The following SLC7A5 variants were observed in gnomAD, a reference collection of about 807,000 sequenced individuals.
The protein encoded by SLC7A5 is large neutral amino acids transporter small subunit 1.
In SLC7A5, 23 loss-of-function variants were observed where a neutral mutation model predicts 50.2. The ratio of observed to expected loss-of-function variants is 0.46; its 90% CI spans 0.33 to 0.65. The LOEUF (loss-of-function observed/expected upper bound fraction) is 0.65, where lower values mean the gene tolerates loss of function less well. Ranked by LOEUF, SLC7A5 falls within the 30% of genes least tolerant of loss-of-function variation. The pLI is 0.02. For synonymous variants in SLC7A5, 393 were observed against 330.6 expected, an observed-to-expected ratio of 1.19 and a Z score of -2.05; for missense variants, 578 against 684.4, an observed-to-expected ratio of 0.84 and a Z score of 1.73.
rs1453896385 is a variant in SLC7A5 at position 87,860,373 on chromosome 16, CACACACACACACACACACACACACACAT to C, written c.538+8484_538+8511del. On this transcript the variant is annotated intron_variant, in intron 1 of 9. Transcript: ENST00000261622. The surrounding 1 kb of genome is among the most constrained non-coding windows in gnomAD (Gnocchi z 4.8). The stretch of plus-strand genomic sequence containing the variant: ...ACACACACACACACACACACACACA[CACACACACACACACACACACACACACAT>C]ATATATATAAAGAAAAAGGAAATCT... 2.9e-3 allele frequency among the ~76,000 whole-genome samples: 427 copies of C among 147,862 alleles called. 16 individuals carry two copies. Among genetic ancestry groups the C allele is most frequent in the African/African-American group, 0.01 (405 of 39,578 alleles).
At chr16:87,839,599 C>G (rs1372218596) in intron 5 of SLC7A5, 103 bp downstream of exon 5, 2 of 1,560,302 alleles carry the variant, frequency 1.3e-6, no homozygotes, top group Admixed American at 3.4e-5. Flanking sequence ...GCCCCCTCTG[C>G]GTAGGGGAGG....
At position 87,852,198 on chromosome 16, in the gene SLC7A5, C is replaced by T. The variant is rs1567496700; in HGVS notation, c.539-349G>A. On this transcript the variant is annotated intron_variant, in intron 1 of 9. Transcript: ENST00000261622. This position sits in a 1 kb window ranked among gnomAD's most constrained non-coding sequence, Gnocchi z 4.5. ...CCAGAGACCCAGGTGAGCAAGGTGACCCTGCCACTTGGAAGGCGCCCATTA... is the reference window on the plus strand; with the variant it reads ...CCAGAGACCCAGGTGAGCAAGGTGATCCTGCCACTTGGAAGGCGCCCATTA... Among the ~76,000 whole-genome samples, 1 of 152,174 alleles carries T rather than the reference C, an allele frequency of 6.6e-6. No individual in the cohort carries two copies.
intron 1 of SLC7A5, among the ~76,000 whole-genome samples, chr16:87,854,267 G>T (rs35363075): frequency 6.6e-6 from 1 of 152,122 alleles, no homozygotes; most frequent in Non-Finnish European, 1.5e-5. Flanking sequence ...AATGGCCATA[G>T]AACAAAGGGG....
At chr16:87,834,282 C>CTGCAGTGTCCGCCAGTGACA in intron 9 of SLC7A5, 132 bp downstream of exon 9, 1 of 840,388 alleles carries the variant, frequency 1.2e-6, no homozygotes, top group Non-Finnish European at 2.0e-6. Context: ...CTGGCGGACA[C>CTGCAGTGTCCGCCAGTGACA]TGCAGTGACC....
chr16:87,851,662 T>G (rs1318655376), intron 2 of SLC7A5, 62 bp downstream of exon 2: 2 of 1,586,948 alleles, frequency 1.3e-6, no homozygotes, highest in African/African-American at 2.7e-5. Flanking sequence ...CCTCATGCCC[T>G]GTGAAGGACA....
Position 87,838,864 on chromosome 16 carries a change from G to A in SLC7A5, c.940-47C>T, listed in dbSNP as rs369399203. The A allele has an allele frequency of 3.2e-4, 463 of 1,438,554 alleles. 1 individual carries two copies. Among genetic ancestry groups the A allele is most frequent in the Non-Finnish European group, 4.0e-4 (409 of 1,021,850 alleles). The allele number at this position is 1,438,554 out of a possible 1,614,324, so 89.1% of individuals were successfully genotyped here. A position where few individuals can be genotyped will look rare whatever the true frequency, so the allele number is the denominator to read the frequency against. ...GCTGGGCCCCACCGGGCCGGCCCTC[G>A]CCCTCCCTGTGCTCACTGGGAGCCC... On this transcript the variant is annotated intron_variant, in intron 5 of 9. Transcript: ENST00000261622.
intron 2 of SLC7A5, among the ~76,000 whole-genome samples, chr16:87,848,685 G>A (rs1357480146): frequency 6.6e-6 from 1 of 152,188 alleles, no homozygotes; most frequent in Non-Finnish European, 1.5e-5. Context: ...TCTCAGGAAA[G>A]GCCCAACCCC....
At position 87,852,185 on chromosome 16, in the gene SLC7A5, G is replaced by A. The variant is rs970120072; in HGVS notation, c.539-336C>T. On this transcript the variant is annotated intron_variant, in intron 1 of 9. Coordinates refer to ENST00000261622, the MANE Select transcript of SLC7A5 (RefSeq NM_003486.7). The surrounding 1 kb of genome is among the most constrained non-coding windows in gnomAD (Gnocchi z 4.5). The stretch of plus-strand genomic sequence containing the variant: ...GGGGTCACTGCCTCCAGAGACCCAG[G>A]TGAGCAAGGTGACCCTGCCACTTGG... Among the ~76,000 whole-genome samples the A allele has an allele frequency of 2.6e-5, 4 of 152,144 alleles. No homozygotes were observed. The highest frequency in any genetic ancestry group is 6.5e-5 in the Admixed American group (1 of 15,282).
intron 1 of SLC7A5, among the ~76,000 whole-genome samples, chr16:87,854,934 A>C (rs1027917687): frequency 2.0e-5 from 3 of 152,180 alleles, no homozygotes; most frequent in African/African-American, 7.2e-5. Flanking sequence ...GCCATCAGCC[A>C]CAGAAACATC....
chr16:87,867,578 GGT>G (rs1278519445), intron 1 of SLC7A5, among the ~76,000 whole-genome samples: 1 of 150,596 alleles, frequency 6.6e-6, no homozygotes, highest in Non-Finnish European at 1.5e-5. Flanking sequence ...CCCAAAGTAC[GGT>G]GTGGCAGAAA....
chr16:87,869,168 C>A lies in SLC7A5; in HGVS notation c.255G>T (p.Ala85=). 6.2e-7 allele frequency: 1 copy of A among 1,612,108 alleles called. No homozygotes were observed. Among genetic ancestry groups the A allele is most frequent in the South Asian group, 1.1e-5 (1 of 91,016 alleles). The part of the protein sequence containing the change: ...VLKEAGSPGL[A]LVVWAACGVF... ...CGCCGCACGCGGCCCACACCACCAG[C>A]GCCAGCCCCGGCGAGCCTGCCTCCT... Residue 85 remains alanine (A), a synonymous_variant, in exon 1 of 10, where the codon GCG becomes GCT. Coordinates refer to ENST00000261622, the MANE Select transcript of SLC7A5 (RefSeq NM_003486.7).
At chr16:87,836,915 C>T in intron 7 of SLC7A5, 3 of 518,362 alleles carry the variant, frequency 5.8e-6, no homozygotes, top group Non-Finnish European at 1.1e-5. Flanking sequence ...AAATGGAGAC[C>T]ACATTTGGGT....
At position 87,841,134 on chromosome 16, in the gene SLC7A5, G is replaced by A; in HGVS notation, c.686C>T (p.Pro229Leu). 2 of 1,613,410 alleles carry A rather than the reference G, an allele frequency of 1.2e-6. No homozygotes were observed. The highest frequency in any genetic ancestry group is 1.7e-6 in the Non-Finnish European group (2 of 1,179,476). ...TTTGGTGCCTTCAAATGAGAAGTTG[G>A]GATCTAGATTGGACACATCACCTGG... ...IGKGDVSNLD[P>L]NFSFEGTKLD... Residue 229 changes from proline (P) to leucine (L), a missense_variant, in exon 3 of 10, where the codon CCC becomes CTC. Pro to Leu is a moderately conservative substitution (Grantham distance 98, BLOSUM62 -3). Transcript: ENST00000261622. The surrounding 1 kb of genome is among the most constrained non-coding windows in gnomAD (Gnocchi z 4.8).
chr16:87,842,869 G>GCCAAAACGCC (rs71391359), intron 2 of SLC7A5, among the ~76,000 whole-genome samples: 8 of 151,824 alleles, frequency 5.3e-5, no homozygotes, highest in African/African-American at 1.9e-4. Context: ...CAGCACCTCG[G>GCCAAAACGCC]CACAGCCCCT....
At chr16:87,845,175 C>A (rs1036546296) in intron 2 of SLC7A5, among the ~76,000 whole-genome samples, 2 of 133,164 alleles carry the variant, frequency 1.5e-5, no homozygotes, top group East Asian at 3.9e-4. Flanking sequence ...CCAACCGTGC[C>A]ACCCAGGGGA....
At position 87,861,863 on chromosome 16, in the gene SLC7A5, G is replaced by GCCCCGA. The variant is rs2055402885; in HGVS notation, c.538+7021_538+7022insTCGGGG. Among the ~76,000 whole-genome samples the GCCCCGA allele has an allele frequency of 6.6e-6, 1 of 152,258 alleles. No homozygotes were observed. Among genetic ancestry groups the GCCCCGA allele is most frequent in the Non-Finnish European group, 1.5e-5 (1 of 68,044 alleles). On this transcript the variant is annotated intron_variant, in intron 1 of 9. Transcript: ENST00000261622. The surrounding 1 kb of genome is among the most constrained non-coding windows in gnomAD (Gnocchi z 4.2). ...CCTACGGCCTTGCCCCGAATCCCGTGATGCAGCGTGACCTGCCTAGGTGCC... is the reference window on the plus strand; with the variant it reads ...CCTACGGCCTTGCCCCGAATCCCGTGCCCCGAATGCAGCGTGACCTGCCTAGGTGCC...
At chr16:87,837,380 A>C (rs868773677) in intron 7 of SLC7A5, 2 of 193,966 alleles carry the variant, frequency 1.0e-5, no homozygotes, top group South Asian at 2.1e-4. Flanking sequence ...TGACTTACGG[A>C]AACTGTGAGA....
chr16:87,858,942 G>A (rs758610129), intron 1 of SLC7A5, among the ~76,000 whole-genome samples: 4 of 152,330 alleles, frequency 2.6e-5, no homozygotes, highest in East Asian at 1.9e-4. Context: ...CCCTGGTGAC[G>A]GGGAGCCCTT....
At chr16:87,845,193 C>CT (rs11373590) in intron 2 of SLC7A5, among the ~76,000 whole-genome samples, 55,225 of 152,008 alleles carry the variant, frequency 0.36, 11,782 homozygotes, top group African/African-American at 0.58. Context: ...GGAGACCTCC[C>CT]GGCTTCTCAG....
Sources: gnomAD v4.1 joint callset for allele counts (sites outside exome capture counted in the v4.1 genomes callset) on GRCh38, gnomAD v4.1.1 for gene constraint, Gnocchi (gnomAD v3.1) non-coding constraint, MANE v1.5 for transcripts, NCBI Gene and HGNC (gene_info 2026-07-23, HGNC 2026-07-21) for gene names.